SCN9A: variants seen among roughly 807,000 people sequenced by gnomAD.
SCN9A encodes sodium voltage-gated channel alpha subunit 9.
Under a neutral mutation model 187.0 loss-of-function variants are expected in SCN9A, and 131 were observed. That is an observed-to-expected ratio of 0.70 (90% CI 0.61 to 0.81). The LOEUF is 0.81. Among genes scored for constraint, SCN9A ranks in the 30% least tolerant of loss-of-function variants. SCN9A has a pLI of 0.00. For synonymous variants in SCN9A, 809 were observed against 808.6 expected (o/e 1.00, Z -0.01); for missense variants, 2,252 against 2,396.6 (o/e 0.94, Z 1.26).
At chr2:166,315,171 C>T (rs1232288284) in intron 1 of SCN9A, among the ~76,000 whole-genome samples, 1 of 152,102 alleles carries the variant, frequency 6.6e-6, no homozygotes, top group Admixed American at 6.5e-5. Context: ...GGATAACTTG[C>T]CTCACTAGAC....
intron 7 of SCN9A, chr2:166,302,188 TGTA>T (rs1698582996): frequency 4.0e-5 from 6 of 151,378 alleles, no homozygotes; most frequent in African/African-American, 1.5e-4. Flanking sequence ...TTAAGATTTA[TGTA>T]TTCACGTGGG....
At chr2:166,351,642 T>C (rs1004499200) in intron 1 of SCN9A, among the ~76,000 whole-genome samples, 7 of 152,130 alleles carry the variant, frequency 4.6e-5, no homozygotes, top group Non-Finnish European at 4.4e-5. Context: ...TCATCAGTCT[T>C]TGCTATGGAC....
Position 166,228,867 on chromosome 2 carries a change from C to G in SCN9A, c.4030G>C (p.Ala1344Pro). The G allele has an allele frequency of 6.2e-7, 1 of 1,613,872 alleles. No individual in the cohort carries two copies. The highest frequency in any genetic ancestry group is 8.5e-7 in the Non-Finnish European group (1 of 1,179,792). The stretch of plus-strand genomic sequence containing the variant: ...TTAATACACTCATAGAACTTGCCAG[C>G]AAACAAATTTACTCCCATGATGCTG... ...IFSIMGVNLF[A>P]GKFYECINTT... Residue 1344 changes from alanine to proline, a missense_variant, in exon 22 of 27, where the codon GCT (alanine) becomes CCT (proline). Around this residue, in one of 7 missense-constraint regions of SCN9A, gnomAD observed 368 missense variants for 408.6 expected, o/e 0.90. Transcript: ENST00000642356.
chr2:166,323,559 A>G (rs1390603304), intron 1 of SCN9A, among the ~76,000 whole-genome samples: 2 of 152,146 alleles, frequency 1.3e-5, no homozygotes, highest in Admixed American at 1.3e-4. Flanking sequence ...CCTAATAACT[A>G]AAAGGAAAAA....
chr2:166,306,551 A>C lies in SCN9A; in HGVS notation c.426T>G (p.Phe142Leu). ...IMCTILTNCI[F>L]MTMNNPPDWT... ...AGTCCGGTGGGTTATTCATGGTCAT[A>C]AATATGCAGTTTGTCAGAATAGTGC... Residue 142 changes from phenylalanine to leucine, a missense_variant, in exon 4 of 27, where the codon TTT (phenylalanine) becomes TTG (leucine). Physicochemically the swap from Phe to Leu is conservative, Grantham distance 22. Transcript: ENST00000642356. The C allele has an allele frequency of 6.3e-7, 1 of 1,582,994 alleles. No individual in the cohort carries two copies. The highest frequency in any genetic ancestry group is 8.6e-7 in the Non-Finnish European group (1 of 1,161,884).
intron 17 of SCN9A, among the ~76,000 whole-genome samples, chr2:166,261,737 T>C (rs1213630704): frequency 6.6e-6 from 1 of 152,004 alleles, no homozygotes; most frequent in African/African-American, 2.4e-5. Flanking sequence ...GGATTACCCA[T>C]GTACCCTTAA....
chr2:166,371,813 C>T (rs190283527), intron 1 of SCN9A, among the ~76,000 whole-genome samples: 15 of 152,206 alleles, frequency 9.9e-5, no homozygotes, highest in Middle Eastern at 3.4e-3. Context: ...ATACAACATC[C>T]ACAATATGTC....
intron 6 of SCN9A, 23 bp from the exon 7 acceptor site, chr2:166,303,325 T>C: frequency 6.3e-7 from 1 of 1,589,782 alleles, no homozygotes; most frequent in East Asian, 2.2e-5. Context: ...GAAAAAAGTG[T>C]TTGTAATGAC....
intron 1 of SCN9A, among the ~76,000 whole-genome samples, chr2:166,374,310 A>T (rs1053865807): frequency 3.3e-5 from 5 of 152,210 alleles, no homozygotes; most frequent in African/African-American, 4.8e-5. Flanking sequence ...ACAAAATTTT[A>T]AAAAACTTGT....
intron 9 of SCN9A, among the ~76,000 whole-genome samples, chr2:166,289,646 G>A (rs1214167470): frequency 1.3e-5 from 2 of 152,110 alleles, no homozygotes; most frequent in African/African-American, 4.8e-5. Flanking sequence ...ATAAACATAT[G>A]TGTGCATGTG....
chr2:166,211,006 G>A (rs1694064904), intron 24 of SCN9A, among the ~76,000 whole-genome samples: 1 of 151,916 alleles, frequency 6.6e-6, no homozygotes, highest in African/African-American at 2.4e-5. Flanking sequence ...AAGTTGCAGT[G>A]AGCCAAGATC....
intron 2 of SCN9A, among the ~76,000 whole-genome samples, 182 bp from the exon 3 acceptor site, chr2:166,307,256 C>G (rs1698793180): frequency 6.6e-6 from 1 of 152,132 alleles, no homozygotes; most frequent in Admixed American, 6.6e-5. Context: ...CAATGAACTC[C>G]AAGTCCACTT....
chr2:166,275,390 G>A (rs1241961642), intron 16 of SCN9A, among the ~76,000 whole-genome samples: 1 of 151,984 alleles, frequency 6.6e-6, no homozygotes, highest in African/African-American at 2.4e-5. Flanking sequence ...TTCGAGACCA[G>A]CCTGGCCAAC....
chr2:166,255,942 C>T (rs538703630), intron 17 of SCN9A, among the ~76,000 whole-genome samples: 17 of 151,444 alleles, frequency 1.1e-4, no homozygotes, highest in African/African-American at 3.6e-4. Context: ...TGTAGTTTTA[C>T]GGTCAATATC....
At chr2:166,222,976 C>CAAAAAAAAA (rs1694686070) in intron 24 of SCN9A, among the ~76,000 whole-genome samples, 3 of 59,498 alleles carry the variant, frequency 5.0e-5, no homozygotes, top group Non-Finnish European at 1.1e-4. Context: ...AAAAAAACAG[C>CAAAAAAAAA]AACAAAAAAC....
At chr2:166,317,554 A>G (rs1298871690) in intron 1 of SCN9A, among the ~76,000 whole-genome samples, 2 of 152,208 alleles carry the variant, frequency 1.3e-5, no homozygotes, top group East Asian at 3.8e-4. Context: ...ATATGGAAAT[A>G]TTTATTCTGA....
rs760969361 is a variant in SCN9A, at chr2:166,293,329, G to A, written c.1009C>T (p.Pro337Ser). The change falls in exon 9 of 27, where the codon CCT becomes TCT. Residue 337 changes from proline to serine, a missense_variant. Pro to Ser is a moderately conservative substitution (Grantham distance 74, BLOSUM62 -1). Coordinates refer to ENST00000642356, the MANE Select transcript of SCN9A (RefSeq NM_001365536.1). ...GYTCVKIGRNPDYGYTSFDTF... is the reference protein window; with the variant it reads ...GYTCVKIGRNSDYGYTSFDTF... ...TCAAAGCTCGTGTAGCCATAATCAGGGTTTCTGCCAATTTTCACACAGGTG... is the reference window on the plus strand; with the variant it reads ...TCAAAGCTCGTGTAGCCATAATCAGAGTTTCTGCCAATTTTCACACAGGTG... 1.2e-6 allele frequency: 2 copies of A among 1,609,104 alleles called. No individual in the cohort carries two copies. Among genetic ancestry groups the A allele is most frequent in the East Asian group, 4.5e-5 (2 of 44,778 alleles).
chr2:166,322,190 T>C (rs1296869084), intron 1 of SCN9A, among the ~76,000 whole-genome samples: 2 of 152,216 alleles, frequency 1.3e-5, no homozygotes, highest in African/African-American at 4.8e-5. Flanking sequence ...TTCATTTTAT[T>C]TGAGTTTCTA....
intron 1 of SCN9A, among the ~76,000 whole-genome samples, chr2:166,368,769 C>T (rs1700480790): frequency 6.6e-6 from 1 of 151,816 alleles, no homozygotes; most frequent in African/African-American, 2.4e-5. Flanking sequence ...GGGCAGATCA[C>T]CTGAACTCAG....
Sources: allele counts gnomAD v4.1 joint callset (sites outside exome capture counted in the v4.1 genomes callset), GRCh38; gene constraint gnomAD v4.1.1; regional missense constraint gnomAD v4.1.1; transcripts MANE v1.5; gene names NCBI Gene and HGNC (gene_info 2026-07-23, HGNC 2026-07-21).